The following MTBP variants were observed in gnomAD, a reference collection of about 807,000 sequenced individuals.
MTBP encodes MDM2 binding protein.
A neutral mutation model predicts 117.0 loss-of-function variants in MTBP; 101 were observed. That is an observed-to-expected ratio of 0.86 (90% CI 0.73 to 1.02). The LOEUF (loss-of-function observed/expected upper bound fraction) is 1.02. Ranked by LOEUF, MTBP falls within the 50% of genes least tolerant of loss-of-function variation. The probability of loss-of-function intolerance (pLI) is 0.00; values close to 1 mark genes in which losing one functional copy is unlikely to be tolerated. For missense variants in MTBP, 970 were observed against 1,030.9 expected (o/e 0.94, Z 0.81); for synonymous variants, 350 against 351.5 (o/e 1.00, Z 0.05).
At chr8:120,508,816 C>T (rs1814742918) in intron 16 of MTBP, among the ~76,000 whole-genome samples, 5 of 152,122 alleles carry the variant, frequency 3.3e-5, no homozygotes, top group Admixed American at 3.3e-4. Flanking sequence ...TCCCCATTTC[C>T]TGAACTTCTG....
At chr8:120,490,947 C>T (rs552305100) in intron 13 of MTBP, among the ~76,000 whole-genome samples, 14 of 152,078 alleles carry the variant, frequency 9.2e-5, no homozygotes, top group Middle Eastern at 3.4e-3. Flanking sequence ...GGAAAAAATG[C>T]AAGTCTTAGG....
chr8:120,523,111 G>A (rs1250772778), intron 21 of MTBP, among the ~76,000 whole-genome samples, 187 bp from the exon 22 acceptor site: 2 of 152,134 alleles, frequency 1.3e-5, no homozygotes, highest in East Asian at 1.9e-4. Context: ...ATTGTACTCA[G>A]TATTGGAAGT....
intron 11 of MTBP, among the ~76,000 whole-genome samples, chr8:120,484,644 T>G (rs1309976441): frequency 6.6e-6 from 1 of 152,212 alleles, no homozygotes; most frequent in Non-Finnish European, 1.5e-5. Flanking sequence ...AAATACAGTT[T>G]TATTGAGATA....
rs112003897 is a variant in MTBP, at chr8:120,518,707, C to A, written c.2500C>A (p.Leu834Met). 2 of 1,597,692 alleles carry A rather than the reference C, an allele frequency of 1.3e-6. No individual in the cohort carries two copies. Among genetic ancestry groups the A allele is most frequent in the African/African-American group, 1.3e-5 (1 of 74,388 alleles). ...CATATGTTATGTTCTGTTCAAGATACTGAAAGAAGTAGTTACTGAAACCCT... is the reference window on the plus strand; with the variant it reads ...CATATGTTATGTTCTGTTCAAGATAATGAAAGAAGTAGTTACTGAAACCCT... ...ESRSQKHTRI[L>M]KEVVTETLKK... The change falls in exon 20 of 22, where the codon CTG (leucine) becomes ATG (methionine). Residue 834 changes from leucine to methionine, a missense_variant. Leu to Met is a conservative substitution (Grantham distance 15). Coordinates refer to ENST00000305949, the MANE Select transcript of MTBP (RefSeq NM_022045.5).
At chr8:120,464,491 G>A (rs1471243756) in intron 10 of MTBP, among the ~76,000 whole-genome samples, 1 of 150,738 alleles carries the variant, frequency 6.6e-6, no homozygotes, top group African/African-American at 2.5e-5. Flanking sequence ...TTAATAACAA[G>A]TAGACTAGCA....
Position 120,516,028 on chromosome 8 carries a change from A to G in MTBP, c.2083A>G (p.Ser695Gly), listed in dbSNP as rs780496623. The G allele has an allele frequency of 4.3e-6, 7 of 1,613,158 alleles. No homozygotes were observed. Among genetic ancestry groups the G allele is most frequent in the Non-Finnish European group, 5.1e-6 (6 of 1,179,326 alleles). The change falls in exon 18 of 22, where the codon AGT becomes GGT. Residue 695 changes from serine (S) to glycine (G), a missense_variant. Transcript: ENST00000305949. Reference sequence around the variant, plus strand: ...AACTCAAACTACCTGCACCAGAGAAAGTTTTCCAGTACCTACTGTGTTGAG... The same window carrying G: ...AACTCAAACTACCTGCACCAGAGAAGGTTTTCCAGTACCTACTGTGTTGAG... ...YETQTTCTRE[S>G]FPVPTVLSPL... is the part of the protein sequence containing the mutation.
intron 18 of MTBP, 59 bp downstream of exon 18, chr8:120,516,250 TTTTTA>T (rs1166356725): frequency 1.4e-6 from 2 of 1,382,772 alleles, no homozygotes; most frequent in Non-Finnish European, 1.9e-6. Flanking sequence ...GTCTCGAGGA[TTTTTA>T]TTTTATTTTA....
chr8:120,449,503 T>C (rs1474522599), intron 2 of MTBP, among the ~76,000 whole-genome samples: 4 of 152,250 alleles, frequency 2.6e-5, no homozygotes, highest in South Asian at 4.1e-4. Context: ...GCTGGAGATA[T>C]TAGGTTGGTG....
chr8:120,466,870 T>C (rs1486711958), intron 10 of MTBP, among the ~76,000 whole-genome samples: 1 of 152,138 alleles, frequency 6.6e-6, no homozygotes, highest in Non-Finnish European at 1.5e-5. Context: ...CGAGACTCCG[T>C]CTCAAAAAAT....
At chr8:120,507,479 G>T (rs1814709845) in intron 16 of MTBP, among the ~76,000 whole-genome samples, 1 of 152,078 alleles carries the variant, frequency 6.6e-6, no homozygotes, top group African/African-American at 2.4e-5. Context: ...ATACCTGTGA[G>T]AATTGAATAA....
chr8:120,462,451 G>A (rs570490517), intron 9 of MTBP, among the ~76,000 whole-genome samples: 9 of 152,234 alleles, frequency 5.9e-5, no homozygotes, highest in African/African-American at 2.2e-4. Context: ...AGCCATTTTC[G>A]CAGAGGAAAA....
At chr8:120,520,635 A>G (rs1814995042) in intron 20 of MTBP, among the ~76,000 whole-genome samples, 1 of 152,146 alleles carries the variant, frequency 6.6e-6, no homozygotes, top group Non-Finnish European at 1.5e-5. Context: ...GCATGGAGAG[A>G]ACATTTTCTA....
At position 120,461,232 on chromosome 8, in the gene MTBP, T is replaced by C; in HGVS notation, c.954T>C (p.Tyr318=). 1 of 1,598,474 alleles carries C rather than the reference T, an allele frequency of 6.3e-7. No individual in the cohort carries two copies. The highest frequency in any genetic ancestry group is 8.6e-7 in the Non-Finnish European group (1 of 1,166,442). The change falls in exon 9 of 22, where the codon TAT becomes TAC. Residue 318 remains tyrosine (Y), a synonymous_variant. Coordinates refer to ENST00000305949, the MANE Select transcript of MTBP (RefSeq NM_022045.5). Reference sequence around the variant, plus strand: ...AATTATCAGATCTACCCTCCTGCTATATGTCGGATATTGAATTTGAGTTGT... The same window carrying C: ...AATTATCAGATCTACCCTCCTGCTACATGTCGGATATTGAATTTGAGTTGT... The part of the protein sequence containing the change: ...MIKLSDLPSC[Y]MSDIEFELGL...
intron 13 of MTBP, among the ~76,000 whole-genome samples, chr8:120,492,027 T>TA (rs1232484380): frequency 6.6e-6 from 1 of 151,860 alleles, no homozygotes; most frequent in African/African-American, 2.4e-5. Flanking sequence ...ATTAAAAAAA[T>TA]AAAAAATCGC....
intron 8 of MTBP, among the ~76,000 whole-genome samples, chr8:120,460,062 T>C (rs1813550727): frequency 6.6e-6 from 1 of 152,104 alleles, no homozygotes; most frequent in Non-Finnish European, 1.5e-5. Context: ...ACAGTGGGCA[T>C]GAAGTTAAAG....
intron 11 of MTBP, among the ~76,000 whole-genome samples, chr8:120,486,849 G>A (rs913370826): frequency 2.6e-5 from 4 of 152,094 alleles, no homozygotes; most frequent in African/African-American, 7.2e-5. Flanking sequence ...TCTGTCCAAC[G>A]TGCTTCTTCC....
intron 11 of MTBP, among the ~76,000 whole-genome samples, chr8:120,481,493 A>G (rs1268243057): frequency 6.6e-6 from 1 of 152,212 alleles, no homozygotes; most frequent in Non-Finnish European, 1.5e-5. Flanking sequence ...AGAAGGCATG[A>G]AAAGTTTGGA....
intron 4 of MTBP, chr8:120,451,824 C>T (rs1268555259): frequency 6.5e-6 from 1 of 153,284 alleles, no homozygotes; most frequent in Non-Finnish European, 1.5e-5. Flanking sequence ...CTCAAGCAAT[C>T]TGCCTGCCTT....
chr8:120,497,281 G>T, intron 13 of MTBP, 112 bp from the exon 14 acceptor site: 1 of 934,204 alleles, frequency 1.1e-6, no homozygotes, highest in South Asian at 1.8e-5. Flanking sequence ...CAGGAATGTT[G>T]ATTTACTAGA....
Sources: gnomAD v4.1 joint callset for allele counts (sites outside exome capture counted in the v4.1 genomes callset) on GRCh38, gnomAD v4.1.1 for gene constraint, MANE v1.5 for transcripts, NCBI Gene and HGNC (gene_info 2026-07-23, HGNC 2026-07-21) for gene names.